The following PACRG variants were observed in gnomAD, a reference collection of about 807,000 sequenced individuals.
PACRG encodes the protein parkin coregulated.
Under a neutral mutation model 29.7 loss-of-function variants are expected in PACRG, and 29 were observed. The observed-to-expected ratio is 0.98, with a 90% CI of 0.73 to 1.33. The LOEUF is 1.33. Ranked by LOEUF, PACRG falls within the 40% of genes most tolerant of loss-of-function variation. The pLI is 0.00. For missense variants in PACRG, 279 were observed against 316.2 expected, an observed-to-expected ratio of 0.88 and a Z score of 0.89; for synonymous variants, 116 against 118.7, an observed-to-expected ratio of 0.98 and a Z score of 0.15.
At position 162,814,135 on chromosome 6, in the gene PACRG, T is replaced by C. The variant is rs200964725; in HGVS notation, c.157-12T>C. 5 of 1,593,230 alleles carry C rather than the reference T, an allele frequency of 3.1e-6. No individual in the cohort carries two copies. The highest frequency in any genetic ancestry group is 1.8e-5 in the Admixed American group (1 of 54,896). ...TTAAAACCTGATCCCTATTTTTTTT[T>C]TTCCAATTAAGGTGAGAGGCCCTCC... On this transcript the variant is annotated splice_polypyrimidine_tract_variant and intron_variant, in intron 1 of 4. Coordinates refer to ENST00000366888, the MANE Select transcript of PACRG (RefSeq NM_001080379.2).
Position 162,910,557 on chromosome 6 carries a change from A to G in PACRG, c.291+96276A>G, listed in dbSNP as rs1796234356. Among the ~76,000 whole-genome samples the G allele has an allele frequency of 2.0e-5, 3 of 151,950 alleles. No homozygotes were observed. The South Asian group carries it at 6.2e-4, about 32-fold the overall frequency. The stretch of plus-strand genomic sequence containing the variant: ...AATGCCAACATTTTCATTTGAATTG[A>G]AAAAAAACCACAAAAACCATTATAT... On this transcript the variant is annotated intron_variant, in intron 2 of 4. Coordinates refer to ENST00000366888, the MANE Select transcript of PACRG (RefSeq NM_001080379.2).
intron 4 of PACRG, among the ~76,000 whole-genome samples, chr6:163,126,920 G>A (rs1202226983): frequency 1.3e-5 from 2 of 152,206 alleles, no homozygotes; most frequent in African/African-American, 4.8e-5. Context: ...CAGGTCAGAT[G>A]CCACTGGAGG....
intron 4 of PACRG, among the ~76,000 whole-genome samples, chr6:163,309,121 G>C (rs1242524687): frequency 6.6e-6 from 1 of 152,184 alleles, no homozygotes; most frequent in Non-Finnish European, 1.5e-5. Flanking sequence ...CAGTCGGCTT[G>C]ATTCCGACAA....
intron 2 of PACRG, among the ~76,000 whole-genome samples, chr6:162,923,799 T>G (rs1797232289): frequency 6.6e-6 from 1 of 152,144 alleles, no homozygotes; most frequent in Admixed American, 6.6e-5. Context: ...GTGTGATGTC[T>G]CCAGCTTTAT....
intron 4 of PACRG, among the ~76,000 whole-genome samples, chr6:163,212,919 C>T (rs1781211051): frequency 6.6e-6 from 1 of 152,096 alleles, no homozygotes; most frequent in African/African-American, 2.4e-5. Flanking sequence ...GCTGGAACTA[C>T]AGGCACCCAC....
At chr6:163,183,114 G>A (rs1268738542) in intron 4 of PACRG, 2 of 152,204 alleles carry the variant, frequency 1.3e-5, no homozygotes, top group African/African-American at 4.8e-5. Flanking sequence ...CTGAGATCAG[G>A]AAAATGATCT....
intron 4 of PACRG, among the ~76,000 whole-genome samples, chr6:163,307,973 T>C (rs1231610680): frequency 6.6e-6 from 1 of 152,222 alleles, no homozygotes; most frequent in Non-Finnish European, 1.5e-5. Flanking sequence ...GAGAAAACTC[T>C]TATTCTAAAA....
chr6:162,850,801 C>T (rs9365499), intron 2 of PACRG, among the ~76,000 whole-genome samples: 28,472 of 152,160 alleles, frequency 0.19, 2,812 homozygotes, highest in East Asian at 0.34. Flanking sequence ...AGCAAATTAA[C>T]CAAACTAAAG....
At chr6:163,258,754 C>CA (rs11335989) in intron 4 of PACRG, among the ~76,000 whole-genome samples, 49,783 of 121,118 alleles carry the variant, frequency 0.41, 8,964 homozygotes, top group Middle Eastern at 0.46. Context: ...GAATCCATCT[C>CA]AAAAAAAAAA....
chr6:162,850,190 AT>A (rs1203587550), intron 2 of PACRG, among the ~76,000 whole-genome samples: 1 of 152,242 alleles, frequency 6.6e-6, no homozygotes, highest in African/African-American at 2.4e-5. Context: ...ATCAAAGTTC[AT>A]CAGATCTGTA....
At chr6:162,748,890 A>G (rs1225694165) in intron 1 of PACRG, among the ~76,000 whole-genome samples, 1 of 152,228 alleles carries the variant, frequency 6.6e-6, no homozygotes, top group Non-Finnish European at 1.5e-5. Flanking sequence ...CTTGACAGCA[A>G]TCAAGATAAT....
chr6:162,752,553 C>G (rs796374437), intron 1 of PACRG, among the ~76,000 whole-genome samples: 13 of 152,224 alleles, frequency 8.5e-5, no homozygotes, highest in African/African-American at 2.4e-4. Flanking sequence ...TCCCAAAGCC[C>G]CACAAGTCTT....
chr6:162,983,581 G>A (rs1037771547), intron 2 of PACRG, among the ~76,000 whole-genome samples: 1 of 151,794 alleles, frequency 6.6e-6, no homozygotes, highest in Non-Finnish European at 1.5e-5. Flanking sequence ...AGTTTTGCTG[G>A]ATACGATATT....
intron 1 of PACRG, among the ~76,000 whole-genome samples, chr6:162,783,355 G>A (rs1470062873): frequency 6.6e-6 from 1 of 151,824 alleles, no homozygotes; most frequent in Admixed American, 6.6e-5. Context: ...AAAAATGAAT[G>A]ATATTTTTAG....
chr6:163,284,826 C>T (rs911282491), intron 4 of PACRG, among the ~76,000 whole-genome samples: 6 of 152,166 alleles, frequency 3.9e-5, no homozygotes, highest in African/African-American at 1.4e-4. Context: ...AAGCTGTTGC[C>T]ATCTATCCCT....
chr6:162,752,110 G>T (rs994808468), intron 1 of PACRG, among the ~76,000 whole-genome samples: 1 of 152,122 alleles, frequency 6.6e-6, no homozygotes, highest in Non-Finnish European at 1.5e-5. Context: ...AAGAAGACAC[G>T]AAACAAGTTC....
At position 162,941,036 on chromosome 6, in the gene PACRG, G is replaced by GTGTGTT. The variant is rs747607485; in HGVS notation, c.292-121109_292-121104dup. Among the ~76,000 whole-genome samples, 5 of 145,128 alleles carry GTGTGTT rather than the reference G, an allele frequency of 3.4e-5. No homozygotes were observed. In the East Asian group the frequency reaches 1.0e-3, roughly 30 times the overall value. On this transcript the variant is annotated intron_variant, in intron 2 of 4. Transcript: ENST00000366888. ...TGTGCGCGTGTGTGTTTGTATATGT[G>GTGTGTT]TGTGTTTGTGCATGTGTGTGTGTGT...
In PACRG at chr6:163,315,341, C is replaced by G. The variant is rs1227194323; in HGVS notation, c.*354C>G. 5.8e-6 allele frequency: 1 copy of G among 171,820 alleles called. No individual in the cohort carries two copies. The highest frequency in any genetic ancestry group is 1.2e-5 in the Non-Finnish European group (1 of 80,418). 10.6% of individuals were successfully genotyped at this position (171,820 alleles called of 1,614,324 possible). On this transcript the variant is annotated 3_prime_UTR_variant, in exon 5 of 5. Coordinates refer to ENST00000366888, the MANE Select transcript of PACRG (RefSeq NM_001080379.2). ...GCAATTGCTGTTCTGTGTGTGCCTG[C>G]CCTGGGGGTGATGTCAGAGGTTGTA...
At chr6:163,240,349 A>G (rs1782451628) in intron 4 of PACRG, among the ~76,000 whole-genome samples, 1 of 152,122 alleles carries the variant, frequency 6.6e-6, no homozygotes, top group Non-Finnish European at 1.5e-5. Context: ...AAAAGCAGAA[A>G]TTTTGTTTAA....
Sources: gnomAD v4.1 joint callset for allele counts (sites outside exome capture counted in the v4.1 genomes callset) on GRCh38, gnomAD v4.1.1 for gene constraint, MANE v1.5 for transcripts, NCBI Gene and HGNC (gene_info 2026-07-23, HGNC 2026-07-21) for gene names.